The following SLC30A2 variants were observed in gnomAD, a reference collection of about 807,000 sequenced individuals.
The protein encoded by SLC30A2 is solute carrier family 30 member 2.
In SLC30A2, 19 loss-of-function variants were observed where a neutral mutation model predicts 39.6. The observed-to-expected ratio is 0.48, with a 90% CI of 0.34 to 0.70. The LOEUF (loss-of-function observed/expected upper bound fraction) is 0.70, where lower values mean the gene tolerates loss of function less well. Among genes scored for constraint, SLC30A2 ranks in the 30% least tolerant of loss-of-function variants. SLC30A2 has a pLI of 0.01. For missense variants in SLC30A2, 387 were observed against 479.4 expected (o/e 0.81, Z 1.80); for synonymous variants, 195 against 194.8 (o/e 1.00, Z -0.01).
chr1:26,040,145 C>T (rs1463625548), intron 6 of SLC30A2, among the ~76,000 whole-genome samples: 1 of 152,160 alleles, frequency 6.6e-6, no homozygotes, highest in Non-Finnish European at 1.5e-5. Flanking sequence ...CAGTTTCTCC[C>T]TCTAAAATGG....
chr1:26,041,694 G>A lies in SLC30A2; in HGVS notation c.838+6C>T. 1 of 1,583,110 alleles carries A rather than the reference G, an allele frequency of 6.3e-7. No homozygotes were observed. Among genetic ancestry groups the A allele is most frequent in the Non-Finnish European group, 8.7e-7 (1 of 1,151,952 alleles). On this transcript the variant is annotated splice_donor_region_variant and intron_variant, in intron 6 of 7. Coordinates refer to ENST00000374276, the MANE Select transcript of SLC30A2 (RefSeq NM_001004434.3). ...AGCAAAAAGGGAGCCACAAAGCCCA[G>A]GTTACCTTCCATCAACACCAGGATC...
intron 3 of SLC30A2, among the ~76,000 whole-genome samples, chr1:26,043,974 C>T (rs116235534): frequency 6.6e-6 from 1 of 152,184 alleles, no homozygotes. Context: ...CCCCTCCCCC[C>T]AGAGCTGATC....
rs1341276756 is a variant in SLC30A2 at position 26,044,983 on chromosome 1, C to T, written c.271+14G>A. ...CATGCACCAACTTCATTTAATTAGC[C>T]CAAAAGTGCTTACCAACGACTTCTC... is the stretch of plus-strand genomic sequence containing the variant. On this transcript the variant is annotated intron_variant, in intron 2 of 7. Coordinates refer to ENST00000374276, the MANE Select transcript of SLC30A2 (RefSeq NM_001004434.3). The T allele has an allele frequency of 6.2e-7, 1 of 1,612,308 alleles. No homozygotes were observed. Among genetic ancestry groups the T allele is most frequent in the Admixed American group, 1.7e-5 (1 of 60,014 alleles).
intron 5 of SLC30A2, among the ~76,000 whole-genome samples, chr1:26,042,036 G>A (rs2050403529): frequency 6.6e-6 from 1 of 152,174 alleles, no homozygotes; most frequent in Non-Finnish European, 1.5e-5. Context: ...CCTTCTCAAG[G>A]AGCTGAGACA....
chr1:26,042,548 C>T lies in SLC30A2; in HGVS notation c.732+1G>A, dbSNP rs1410246281. 6.2e-7 allele frequency: 1 copy of T among 1,612,964 alleles called. No individual in the cohort carries two copies. The highest frequency in any genetic ancestry group is 8.5e-7 in the Non-Finnish European group (1 of 1,179,072). On this transcript the variant is annotated splice_donor_variant, in intron 5 of 7. Coordinates refer to ENST00000374276, the MANE Select transcript of SLC30A2 (RefSeq NM_001004434.3). LOFTEE classifies it high-confidence loss of function. ...CCACCACCCTGTGTCCCAGCTCTGACCTTGAAGTATAAAATATAGGCTGCC... is the reference window on the plus strand; with the variant it reads ...CCACCACCCTGTGTCCCAGCTCTGATCTTGAAGTATAAAATATAGGCTGCC...
rs1456033636 is a variant in SLC30A2, at chr1:26,044,402, G to C, written c.314C>G (p.Ala105Gly). The stretch of plus-strand genomic sequence containing the variant: ...GCTGGCAAAGTCAGTGAGCAGGTGT[G>C]CTGCGTCAGTCATGACAGCCAAGCT... Reference protein sequence around the residue: ...AHSLAVMTDAAHLLTDFASML... With the variant: ...AHSLAVMTDAGHLLTDFASML... Residue 105 changes from alanine to glycine, a missense_variant, in exon 3 of 8, where the codon GCA (alanine) becomes GGA (glycine). Ala to Gly is a moderately conservative substitution (Grantham distance 60, BLOSUM62 0). Transcript: ENST00000374276. 1 of 1,613,970 alleles carries C rather than the reference G, an allele frequency of 6.2e-7. No individual in the cohort carries two copies. The highest frequency in any genetic ancestry group is 1.1e-5 in the South Asian group (1 of 91,042).
chr1:26,044,971 C>T, intron 2 of SLC30A2, 26 bp downstream of exon 2: 1 of 1,599,896 alleles, frequency 6.3e-7, no homozygotes, highest in South Asian at 1.1e-5. Flanking sequence ...GCACCAACTT[C>T]ATTTAATTAG....
At chr1:26,045,781 A>G in intron 1 of SLC30A2, 66 bp downstream of exon 1, 1 of 1,612,650 alleles carries the variant, frequency 6.2e-7, no homozygotes, top group Non-Finnish European at 8.5e-7. Context: ...CACTGCTAGG[A>G]TGGCAAATGC....
intron 6 of SLC30A2, among the ~76,000 whole-genome samples, chr1:26,040,918 C>G (rs973333541): frequency 5.9e-4 from 12 of 20,468 alleles, no homozygotes; most frequent in East Asian, 0.011. Context: ...ATAGTGAGAC[C>G]CCCCCCCCAT....
chr1:26,039,786 T>C lies in SLC30A2; in HGVS notation c.964A>G (p.Ile322Val). 6.2e-7 allele frequency: 1 copy of C among 1,613,868 alleles called. No homozygotes were observed. The highest frequency in any genetic ancestry group is 1.1e-5 in the South Asian group (1 of 91,052). The part of the protein sequence containing the change: ...TVAQPVLSVH[I>V]AIAQNTDAQA... ...TGTCCCAAGCACTCACCAATGGCGA[T>C]GTGGACAGACAGAACAGGCTGGGCC... Residue 322 changes from isoleucine (I) to valine (V), a missense_variant, in exon 7 of 8, where the codon ATC becomes GTC. Coordinates refer to ENST00000374276, the MANE Select transcript of SLC30A2 (RefSeq NM_001004434.3). The surrounding 1 kb of genome is among the most constrained non-coding windows in gnomAD (Gnocchi z 4.3).
Position 26,038,639 on chromosome 1 carries a change from A to C in SLC30A2, c.*521T>G, listed in dbSNP as rs1303494974. The C allele has an allele frequency of 6.6e-6, 1 of 152,418 alleles. No homozygotes were observed. The highest frequency in any genetic ancestry group is 6.5e-5 in the Admixed American group (1 of 15,306). 9.4% of individuals were successfully genotyped at this position (152,418 alleles called of 1,614,324 possible). ...GAACATTTGGCTCATAGCTGAAGTG[A>C]CTAAGGCACAGATAGGCCTCAGGTG... On this transcript the variant is annotated 3_prime_UTR_variant, in exon 8 of 8. Coordinates refer to ENST00000374276, the MANE Select transcript of SLC30A2 (RefSeq NM_001004434.3).
Position 26,041,713 on chromosome 1 carries a change from C to T in SLC30A2, c.825G>A (p.Leu275=). ...TTLTILRDVI[L]VLMEGTPKGV... ...AGCCCAGGTTACCTTCCATCAACAC[C>T]AGGATCACATCTCTCAGGATGGTCA... Residue 275 remains leucine (L), a synonymous_variant, in exon 6 of 8, where the codon CTG becomes CTA. Transcript: ENST00000374276. 1.2e-6 allele frequency: 2 copies of T among 1,610,774 alleles called. No individual in the cohort carries two copies. The highest frequency in any genetic ancestry group is 1.7e-6 in the Non-Finnish European group (2 of 1,176,992).
At chr1:26,045,533 C>T (rs1203903766) in intron 1 of SLC30A2, 3 of 596,158 alleles carry the variant, frequency 5.0e-6, no homozygotes, top group Non-Finnish European at 8.9e-6. Flanking sequence ...CTCCAGCGCA[C>T]TTGGGACACA....
intron 6 of SLC30A2, among the ~76,000 whole-genome samples, chr1:26,040,641 G>C (rs549604066): frequency 1.3e-5 from 2 of 152,088 alleles, no homozygotes; most frequent in Non-Finnish European, 1.5e-5. Context: ...CATCATTATC[G>C]CTTTCATCTG....
In SLC30A2 at chr1:26,039,268, G is replaced by A. The variant is rs1375589985; in HGVS notation, c.1011C>T (p.Ala337=). The part of the protein sequence containing the change: ...NTDAQAVLKT[A]SSRLQGKFHF... The stretch of plus-strand genomic sequence containing the variant: ...GGAACTTCCCTTGGAGGCGGCTGCT[G>A]GCTGTCTTCAGCACAGCCTGGGCGT... The change falls in exon 8 of 8, where the codon GCC becomes GCT. Residue 337 remains alanine (A), a synonymous_variant. Coordinates refer to ENST00000374276, the MANE Select transcript of SLC30A2 (RefSeq NM_001004434.3). The surrounding 1 kb of genome is among the most constrained non-coding windows in gnomAD (Gnocchi z 4.3). 1 of 1,614,136 alleles carries A rather than the reference G, an allele frequency of 6.2e-7. No individual in the cohort carries two copies. Among genetic ancestry groups the A allele is most frequent in the Non-Finnish European group, 8.5e-7 (1 of 1,179,994 alleles).
intron 1 of SLC30A2, chr1:26,045,597 C>T: frequency 2.9e-6 from 2 of 679,784 alleles, no homozygotes; most frequent in East Asian, 2.7e-5. Context: ...GGGCGGGACT[C>T]CAGGCATGGG....
Position 26,039,959 on chromosome 1 carries a change from C to G in SLC30A2, c.839-48G>C, listed in dbSNP as rs202017105. Reference sequence around the variant, plus strand: ...AAACTAAAGGAAACTACCCCTCCCACGCCTGCCCATTGGTGCAGGGCTGGC... The same window carrying G: ...AAACTAAAGGAAACTACCCCTCCCAGGCCTGCCCATTGGTGCAGGGCTGGC... On this transcript the variant is annotated intron_variant, in intron 6 of 7. Coordinates refer to ENST00000374276, the MANE Select transcript of SLC30A2 (RefSeq NM_001004434.3). The surrounding 1 kb of genome is among the most constrained non-coding windows in gnomAD (Gnocchi z 4.3). The G allele has an allele frequency of 1.2e-6, 2 of 1,609,548 alleles. No individual in the cohort carries two copies. The highest frequency in any genetic ancestry group is 1.7e-5 in the Admixed American group (1 of 59,844).
intron 6 of SLC30A2, among the ~76,000 whole-genome samples, chr1:26,041,417 G>A (rs1279542133): frequency 6.6e-6 from 1 of 152,184 alleles, no homozygotes; most frequent in Non-Finnish European, 1.5e-5. Flanking sequence ...TGCTACAGAT[G>A]TCCCCCAGAA....
intron 5 of SLC30A2, 80 bp from the exon 6 acceptor site, chr1:26,041,885 C>A: frequency 1.2e-6 from 1 of 855,834 alleles, no homozygotes; most frequent in Admixed American, 2.1e-5. Context: ...CCCAGCACTG[C>A]TGGGGAGAGG....
Sources: gnomAD v4.1 joint callset for allele counts (sites outside exome capture counted in the v4.1 genomes callset) on GRCh38, gnomAD v4.1.1 for gene constraint, Gnocchi (gnomAD v3.1) non-coding constraint, MANE v1.5 for transcripts, NCBI Gene and HGNC (gene_info 2026-07-23, HGNC 2026-07-21) for gene names.